Variants in LCORL observed in about 807,000 individuals in gnomAD.
LCORL encodes ligand-dependent nuclear receptor corepressor-like protein.
Under a neutral mutation model 141.8 loss-of-function variants are expected in LCORL, and 41 were observed. The observed-to-expected ratio is 0.29, with a 90% CI of 0.23 to 0.38. The LOEUF is 0.38. LCORL is among the 10% of genes least tolerant of loss of function. The probability of loss-of-function intolerance (pLI) is 1.00; values close to 1 mark genes in which losing one functional copy is unlikely to be tolerated. For synonymous variants in LCORL, 618 were observed against 694.1 expected (o/e 0.89, Z 1.72); for missense variants, 1,759 against 2,035.0 (o/e 0.86, Z 2.61).
intron 4 of LCORL, among the ~76,000 whole-genome samples, chr4:17,939,049 T>C (rs1484093724): frequency 1.3e-5 from 2 of 152,172 alleles, no homozygotes; most frequent in Non-Finnish European, 2.9e-5. Flanking sequence ...CAAAGGACTT[T>C]TATCCAGAAT....
chr4:17,939,747 T>C (rs572294572), intron 4 of LCORL, among the ~76,000 whole-genome samples: 2 of 151,946 alleles, frequency 1.3e-5, no homozygotes, highest in South Asian at 2.1e-4. Context: ...TCCCATAATA[T>C]ATATGTGAAG....
At chr4:17,889,425 T>A (rs1728760780) in intron 5 of LCORL, among the ~76,000 whole-genome samples, 1 of 152,152 alleles carries the variant, frequency 6.6e-6, no homozygotes, top group Admixed American at 6.6e-5. Context: ...TCCATATTTC[T>A]GTCACATTGC....
chr4:17,886,857 A>G (rs1007492798), intron 5 of LCORL, among the ~76,000 whole-genome samples: 7 of 152,094 alleles, frequency 4.6e-5, no homozygotes, highest in Admixed American at 1.3e-4. Context: ...TAAAAACTCA[A>G]TGATTCAGAC....
intron 4 of LCORL, among the ~76,000 whole-genome samples, chr4:17,948,310 G>C (rs1739203849): frequency 6.6e-6 from 1 of 151,836 alleles, no homozygotes; most frequent in African/African-American, 2.4e-5. Context: ...CACAGAGTAG[G>C]GTTTTAAACT....
chr4:17,929,019 A>C (rs1735590030), intron 4 of LCORL, among the ~76,000 whole-genome samples: 1 of 152,216 alleles, frequency 6.6e-6, no homozygotes. Flanking sequence ...AACAATTCCA[A>C]AATGTAATTT....
chr4:17,929,919 T>G (rs1330698579), intron 4 of LCORL, among the ~76,000 whole-genome samples: 1 of 152,126 alleles, frequency 6.6e-6, no homozygotes, highest in Admixed American at 6.6e-5. Context: ...AATAAAGACA[T>G]GCCAAATTTG....
intron 6 of LCORL, among the ~76,000 whole-genome samples, chr4:17,879,736 A>T (rs981731513): frequency 1.3e-5 from 2 of 151,008 alleles, no homozygotes; most frequent in African/African-American, 4.8e-5. Context: ...TTTTCACACA[A>T]GCAAAAGAAA....
At chr4:17,989,453 A>C (rs1560449437) in intron 1 of LCORL, among the ~76,000 whole-genome samples, 1 of 152,198 alleles carries the variant, frequency 6.6e-6, no homozygotes, top group Non-Finnish European at 1.5e-5. Context: ...TTTCAATGAC[A>C]CCAAAGTAAG....
intron 2 of LCORL, among the ~76,000 whole-genome samples, chr4:17,970,292 A>G (rs993707144): frequency 3.9e-5 from 6 of 152,216 alleles, no homozygotes; most frequent in African/African-American, 1.2e-4. Flanking sequence ...CATTTCAGAT[A>G]TATCTACAAA....
chr4:17,936,726 G>A (rs1736923747), intron 4 of LCORL, among the ~76,000 whole-genome samples: 1 of 152,140 alleles, frequency 6.6e-6, no homozygotes, highest in South Asian at 2.1e-4. Flanking sequence ...ATATTTTGAT[G>A]CATCACTTTC....
chr4:17,881,130 AAC>A, intron 6 of LCORL: 1 of 982,938 alleles, frequency 1.0e-6, no homozygotes, highest in Non-Finnish European at 1.2e-6. Flanking sequence ...GTTTTCTAAA[AAC>A]AGAGGCACTG....
chr4:17,884,323 T>C lies in LCORL; in HGVS notation c.776+1745A>G, dbSNP rs1413187466. Reference sequence around the variant, plus strand: ...GTACAGTAGGATTTGAAGTTTCATATTGGAGGCTTTCATTTTTTTCTTTAA... The same window carrying C: ...GTACAGTAGGATTTGAAGTTTCATACTGGAGGCTTTCATTTTTTTCTTTAA... On this transcript the variant is annotated intron_variant, in intron 6 of 7. Transcript: ENST00000635767. This position sits in a 1 kb window ranked among gnomAD's most constrained non-coding sequence, Gnocchi z 4.4. 9.0e-6 allele frequency: 14 copies of C among 1,547,908 alleles called. No individual in the cohort carries two copies. In the East Asian group the frequency reaches 3.2e-4, roughly 35 times the overall value.
At chr4:17,895,236 A>G (rs1330785017) in intron 5 of LCORL, among the ~76,000 whole-genome samples, 1 of 152,000 alleles carries the variant, frequency 6.6e-6, no homozygotes, top group African/African-American at 2.4e-5. Context: ...TAGTCACCCT[A>G]TTGTGCAACA....
exon 7 of LCORL, chr4:17,874,257 G>C (rs531367667): frequency 1.6e-6 from 2 of 1,233,810 alleles, no homozygotes; most frequent in South Asian, 8.2e-5. Context: ...TGGAGAGTTA[G>C]CCACTTTATG....
At chr4:17,992,473 C>A (rs1720196121) in intron 1 of LCORL, among the ~76,000 whole-genome samples, 1 of 152,180 alleles carries the variant, frequency 6.6e-6, no homozygotes, top group African/African-American at 2.4e-5. Flanking sequence ...CTGATGGCTA[C>A]AAATTTAATG....
chr4:17,843,203 C>A, exon 8 of LCORL: 3 of 1,287,528 alleles, frequency 2.3e-6, no homozygotes, highest in Non-Finnish European at 2.1e-6. Context: ...ATCAATTAAA[C>A]ACTGATAGAA....
At chr4:17,926,060 G>T (rs1300842914) in intron 4 of LCORL, among the ~76,000 whole-genome samples, 1 of 152,122 alleles carries the variant, frequency 6.6e-6, no homozygotes, top group Admixed American at 6.5e-5. Context: ...CTGGTGCACT[G>T]TATGAAGGAT....
chr4:17,938,621 G>C (rs1203493100), intron 4 of LCORL, among the ~76,000 whole-genome samples: 1 of 149,836 alleles, frequency 6.7e-6, no homozygotes, highest in Non-Finnish European at 1.5e-5. Context: ...TCTCCATGTT[G>C]AGGCTGGCCT....
chr4:17,877,937 G>A (rs1035641197), exon 7 of LCORL: 13 of 1,230,452 alleles, frequency 1.1e-5, no homozygotes, highest in East Asian at 9.5e-5. Flanking sequence ...TTTGTTTTTC[G>A]TTTTGTAAAC....
Sources: allele counts gnomAD v4.1 joint callset (sites outside exome capture counted in the v4.1 genomes callset), GRCh38; gene constraint gnomAD v4.1.1; non-coding constraint Gnocchi (gnomAD v3.1); transcripts MANE v1.5; gene names NCBI Gene and HGNC (gene_info 2026-07-23, HGNC 2026-07-21).